Variants in TTC28 observed in about 807,000 individuals in gnomAD.
TTC28 encodes tetratricopeptide repeat protein 28.
In TTC28, 61 loss-of-function variants were observed where a neutral mutation model predicts 198.0. The observed-to-expected ratio is 0.31, with a 90% CI of 0.25 to 0.38. TTC28 has a LOEUF of 0.38. Among genes scored for constraint, TTC28 ranks in the 10% least tolerant of loss-of-function variants. The pLI, the probability that TTC28 is intolerant of heterozygous loss-of-function variation, is 1.00. For missense variants in TTC28, 2,678 were observed against 3,164.0 expected (o/e 0.85, Z 3.69); for synonymous variants, 1,171 against 1,297.8 (o/e 0.90, Z 2.10).
At chr22:28,509,092 G>A (rs1211022826) in intron 2 of TTC28, among the ~76,000 whole-genome samples, 1 of 151,904 alleles carries the variant, frequency 6.6e-6, no homozygotes, top group Non-Finnish European at 1.5e-5. Flanking sequence ...TAAGGAGGCT[G>A]AGGCAGGAGA....
intron 2 of TTC28, among the ~76,000 whole-genome samples, chr22:28,491,172 A>G (rs1197292460): frequency 1.3e-5 from 2 of 152,252 alleles, no homozygotes; most frequent in Non-Finnish European, 2.9e-5. Flanking sequence ...GTGACAAAAG[A>G]TACTTTTAGA....
intron 2 of TTC28, among the ~76,000 whole-genome samples, chr22:28,506,539 C>T (rs1267453260): frequency 1.3e-5 from 2 of 152,214 alleles, no homozygotes; most frequent in African/African-American, 4.8e-5. Flanking sequence ...GAATGCAGCA[C>T]ACCTGCTCTA....
At chr22:28,232,815 T>G (rs551767584) in intron 5 of TTC28, 1 of 152,128 alleles carries the variant, frequency 6.6e-6, no homozygotes, top group Non-Finnish European at 1.5e-5. Flanking sequence ...TTTTTCCATT[T>G]TAGGGCTGGG....
intron 2 of TTC28, among the ~76,000 whole-genome samples, chr22:28,539,454 G>A (rs751004905): frequency 1.3e-5 from 2 of 152,008 alleles, no homozygotes; most frequent in Non-Finnish European, 2.9e-5. Flanking sequence ...GAGCAACATG[G>A]TGAAAACCCA....
intron 2 of TTC28, among the ~76,000 whole-genome samples, chr22:28,319,856 C>T (rs1339868027): frequency 6.6e-6 from 1 of 152,118 alleles, no homozygotes; most frequent in Non-Finnish European, 1.5e-5. Context: ...CCTGAAGAAG[C>T]CTTATGCAGA....
intron 2 of TTC28, among the ~76,000 whole-genome samples, chr22:28,393,380 G>A (rs1363410512): frequency 6.6e-6 from 1 of 152,058 alleles, no homozygotes; most frequent in African/African-American, 2.4e-5. Flanking sequence ...AGCTGGAATA[G>A]AACAGAATTC....
chr22:28,387,993 C>A (rs2046641652), intron 2 of TTC28, among the ~76,000 whole-genome samples: 2 of 152,158 alleles, frequency 1.3e-5, no homozygotes, highest in African/African-American at 4.8e-5. Flanking sequence ...ACGTTTAAGT[C>A]TTTAATCCAT....
intron 2 of TTC28, among the ~76,000 whole-genome samples, chr22:28,497,057 C>G (rs1346063325): frequency 6.6e-6 from 1 of 152,208 alleles, no homozygotes; most frequent in South Asian, 2.1e-4. Context: ...CCCTAATGAC[C>G]CTATTTGAAA....
chr22:28,178,445 C>T (rs1305218366), intron 5 of TTC28, among the ~76,000 whole-genome samples: 1 of 150,794 alleles, frequency 6.6e-6, no homozygotes, highest in East Asian at 2.0e-4. Flanking sequence ...CCAGCCTGGG[C>T]AACAAGAGTG....
At chr22:28,113,900 T>C (rs974961263) in intron 6 of TTC28, among the ~76,000 whole-genome samples, 2 of 152,220 alleles carry the variant, frequency 1.3e-5, no homozygotes, top group Non-Finnish European at 2.9e-5. Context: ...TCTATAATCT[T>C]TTTGGATCAG....
chr22:28,358,614 T>C (rs1003791236), intron 2 of TTC28, among the ~76,000 whole-genome samples: 2 of 152,208 alleles, frequency 1.3e-5, no homozygotes, highest in Non-Finnish European at 2.9e-5. Flanking sequence ...ACAAAGCACC[T>C]TCAATTAGGA....
At chr22:28,170,209 C>G (rs999973998) in intron 5 of TTC28, among the ~76,000 whole-genome samples, 7 of 151,972 alleles carry the variant, frequency 4.6e-5, no homozygotes, top group Admixed American at 3.9e-4. Context: ...GAAATTAGGC[C>G]GGGTGCGGTG....
intron 2 of TTC28, among the ~76,000 whole-genome samples, chr22:28,437,409 AT>A (rs1275454766): frequency 2.0e-5 from 3 of 152,136 alleles, no homozygotes; most frequent in Non-Finnish European, 4.4e-5. Context: ...ATAAAAATAC[AT>A]AAAAACATAA....
intron 5 of TTC28, among the ~76,000 whole-genome samples, chr22:28,277,175 T>A (rs2044488224): frequency 6.6e-6 from 1 of 152,206 alleles, no homozygotes; most frequent in Non-Finnish European, 1.5e-5. Flanking sequence ...GCAGTGGACA[T>A]CTGGTTAGCG....
At chr22:28,331,024 A>T (rs2045606972) in intron 2 of TTC28, among the ~76,000 whole-genome samples, 1 of 152,206 alleles carries the variant, frequency 6.6e-6, no homozygotes, top group African/African-American at 2.4e-5. Context: ...GGCCTAGTTC[A>T]TGCAAAATGT....
chr22:28,110,602 C>T (rs1267692864), intron 6 of TTC28, among the ~76,000 whole-genome samples: 1 of 151,992 alleles, frequency 6.6e-6, no homozygotes, highest in African/African-American at 2.4e-5. Flanking sequence ...GTACATAAAT[C>T]ATGGTACACT....
intron 2 of TTC28, among the ~76,000 whole-genome samples, chr22:28,574,487 G>A (rs527863021): frequency 2.0e-5 from 3 of 152,204 alleles, no homozygotes; most frequent in South Asian, 2.1e-4. Context: ...AATAAATACC[G>A]GAGTGCAGCT....
At chr22:28,126,998 C>T (rs867147057) in intron 6 of TTC28, among the ~76,000 whole-genome samples, 1 of 152,152 alleles carries the variant, frequency 6.6e-6, no homozygotes, top group African/African-American at 2.4e-5. Flanking sequence ...TCCTGAGTAG[C>T]TGGGACTCCA....
intron 5 of TTC28, among the ~76,000 whole-genome samples, chr22:28,284,201 A>G (rs772282002): frequency 2.0e-5 from 3 of 152,210 alleles, no homozygotes; most frequent in Non-Finnish European, 4.4e-5. Flanking sequence ...TAGTAAGCAC[A>G]AGCATGTTGA....
Sources: gnomAD v4.1 joint callset for allele counts (sites outside exome capture counted in the v4.1 genomes callset) on GRCh38, gnomAD v4.1.1 for gene constraint, MANE v1.5 for transcripts, NCBI Gene and HGNC (gene_info 2026-07-23, HGNC 2026-07-21) for gene names.